Variants in NINL observed in about 807,000 individuals in gnomAD.
NINL encodes the protein ninein like.
Under a neutral mutation model 160.3 loss-of-function variants are expected in NINL, and 153 were observed. That is an observed-to-expected ratio of 0.95 (90% CI 0.84 to 1.09). NINL has a LOEUF of 1.09. NINL is among the 50% of genes least tolerant of loss of function. The pLI, the probability that NINL is intolerant of heterozygous loss-of-function variation, is 0.00. For missense variants in NINL, 1,829 were observed against 1,764.0 expected (o/e 1.04, Z -0.66); for synonymous variants, 800 against 734.8 (o/e 1.09, Z -1.43).
chr20:25,476,707 CCAGCCAGGCCAGTGGCCGCTCCCCA>C lies in NINL; in HGVS notation c.2559_2583del (p.Cys853TrpfsTer102), dbSNP rs748680388. The C allele has an allele frequency of 6.3e-7, 1 of 1,597,174 alleles. No homozygotes were observed. The highest frequency in any genetic ancestry group is 1.3e-5 in the African/African-American group (1 of 74,770). On this transcript the variant is annotated frameshift_variant, in exon 17 of 24. Transcript: ENST00000278886. LOFTEE classifies it high-confidence loss of function. Reference sequence around the variant, plus strand: ...TCAGACTCTCTGCCATCACCTGGGGCCAGCCAGGCCAGTGGCCGCTCCCCACAGCCCGGACGCAGTGGTAGGAGGC... The same window carrying C: ...TCAGACTCTCTGCCATCACCTGGGGCCAGCCCGGACGCAGTGGTAGGAGGC...
Position 25,478,943 on chromosome 20 carries a change from G to A in NINL, c.2181C>T (p.His727=). 1 of 1,556,778 alleles carries A rather than the reference G, an allele frequency of 6.4e-7. No homozygotes were observed. Among genetic ancestry groups the A allele is most frequent in the South Asian group, 1.1e-5 (1 of 87,130 alleles). ...TGGACCTGATCTGCTGCAGGTGGCTGTGATGCCGCAGGGCCAGGCCACACA... is the reference window on the plus strand; with the variant it reads ...TGGACCTGATCTGCTGCAGGTGGCTATGATGCCGCAGGGCCAGGCCACACA... ...QALCGLALRH[H]SHLQQIRREA... Residue 727 remains histidine, a synonymous_variant, in exon 16 of 24, where the codon CAC becomes CAT. Transcript: ENST00000278886.
chr20:25,465,840 A>T (rs536199450), intron 19 of NINL, among the ~76,000 whole-genome samples: 1 of 152,306 alleles, frequency 6.6e-6, no homozygotes, highest in African/African-American at 2.4e-5. Context: ...GTTGTGCAGG[A>T]CACTTTTTAA....
chr20:25,463,583 C>A (rs2146344930), intron 19 of NINL, among the ~76,000 whole-genome samples: 1 of 152,336 alleles, frequency 6.6e-6, no homozygotes. Context: ...CTGCTGTCTG[C>A]AGCCACCTGT....
In NINL at chr20:25,453,660, CCATGCTTTG is replaced by C; in HGVS notation, c.3958-27_3958-19del. 6.3e-7 allele frequency: 1 copy of C among 1,583,630 alleles called. No homozygotes were observed. Among genetic ancestry groups the C allele is most frequent in the Non-Finnish European group, 8.6e-7 (1 of 1,163,694 alleles). ...TTTTCAAACTAGAGAGGGGAGGAAG[CCATGCTTTG>C]CATGAGGCCGGTGGAGAAACGCTAC... On this transcript the variant is annotated intron_variant, in intron 23 of 23. Coordinates refer to ENST00000278886, the MANE Select transcript of NINL (RefSeq NM_025176.6).
intron 21 of NINL, among the ~76,000 whole-genome samples, chr20:25,459,513 C>T (rs763530591): frequency 6.6e-6 from 1 of 152,194 alleles, no homozygotes; most frequent in Non-Finnish European, 1.5e-5. Context: ...ATAGCATCTC[C>T]ACCAAACGCA....
intron 5 of NINL, chr20:25,509,853 C>T (rs2064035625): frequency 5.2e-6 from 2 of 383,144 alleles, no homozygotes; most frequent in Admixed American, 3.4e-5. Context: ...TAGGCAAACA[C>T]AAGATAATTA....
chr20:25,476,157 C>A lies in NINL; in HGVS notation c.3134G>T (p.Gly1045Val). ...WQEQLAAPEE[G>V]ETKIALEREK... ...TCTCTCCAGCGCTATTTTGGTCTCC[C>A]CCTCTTCTGGGGCAGCAAGCTGCTC... is the stretch of plus-strand genomic sequence containing the variant. Residue 1045 changes from glycine to valine, a missense_variant, in exon 17 of 24, where the codon GGG becomes GTG. Transcript: ENST00000278886. The A allele has an allele frequency of 6.2e-7, 1 of 1,614,216 alleles. No homozygotes were observed. The highest frequency in any genetic ancestry group is 8.5e-7 in the Non-Finnish European group (1 of 1,180,044).
intron 1 of NINL, among the ~76,000 whole-genome samples, chr20:25,554,013 C>A (rs1410306009): frequency 6.6e-6 from 1 of 152,246 alleles, no homozygotes; most frequent in Non-Finnish European, 1.5e-5. Context: ...CTGGACCTGG[C>A]AGGCAGGGCA....
chr20:25,483,153 C>T (rs60483717), intron 13 of NINL, among the ~76,000 whole-genome samples: 1,945 of 146,700 alleles, frequency 0.013, 125 homozygotes, highest in African/African-American at 0.047. Context: ...GCCAACATGG[C>T]GAAACCCCGG....
At chr20:25,555,805 C>T (rs955829856) in intron 1 of NINL, among the ~76,000 whole-genome samples, 10 of 152,076 alleles carry the variant, frequency 6.6e-5, no homozygotes, top group South Asian at 4.1e-4. Flanking sequence ...CTCCCAAGTA[C>T]GTAGGATTAC....
chr20:25,584,481 GAAC>G (rs1022070501), intron 1 of NINL, among the ~76,000 whole-genome samples: 67 of 152,156 alleles, frequency 4.4e-4, no homozygotes, highest in Non-Finnish European at 7.5e-4. Context: ...ACAACAACAA[GAAC>G]AACAACAAGA....
chr20:25,472,392 GT>G (rs2063126962), intron 17 of NINL, among the ~76,000 whole-genome samples: 1 of 138,754 alleles, frequency 7.2e-6, no homozygotes, highest in African/African-American at 2.7e-5. Context: ...TTGAGACGGA[GT>G]TTTGCTCTTG....
chr20:25,481,391 T>G (rs915527830), intron 14 of NINL, among the ~76,000 whole-genome samples: 2 of 152,122 alleles, frequency 1.3e-5, no homozygotes, highest in Non-Finnish European at 2.9e-5. Context: ...GGACCCCCAT[T>G]CTCTCTGCAG....
rs533914283 is a variant in NINL, at chr20:25,555,927, G to A, written c.-11-29329C>T. Among the ~76,000 whole-genome samples the A allele has an allele frequency of 5.3e-5, 8 of 151,934 alleles. No homozygotes were observed. The East Asian group carries it at 7.8e-4, about 15-fold the overall frequency. ...TGACCTCAGGTGATACGCCCGCCTC[G>A]GCCTCCCAAAGTGCTGGGATTATAA... On this transcript the variant is annotated intron_variant, in intron 1 of 23. Transcript: ENST00000278886.
At chr20:25,484,021 G>A (rs1201804265) in intron 13 of NINL, among the ~76,000 whole-genome samples, 1 of 152,080 alleles carries the variant, frequency 6.6e-6, no homozygotes, top group East Asian at 1.9e-4. Context: ...GGCAGCTGCC[G>A]CCACCATGCT....
At chr20:25,515,771 T>C (rs1399889280) in intron 3 of NINL, among the ~76,000 whole-genome samples, 2 of 151,950 alleles carry the variant, frequency 1.3e-5, no homozygotes, top group Non-Finnish European at 2.9e-5. Flanking sequence ...TGTTTGTTTG[T>C]TTTTGTTTTG....
chr20:25,572,720 T>C (rs973566159), intron 1 of NINL, among the ~76,000 whole-genome samples: 5 of 152,168 alleles, frequency 3.3e-5, no homozygotes, highest in African/African-American at 4.8e-5. Flanking sequence ...TAAAAGTTTT[T>C]CCATGAAATA....
intron 1 of NINL, among the ~76,000 whole-genome samples, chr20:25,562,105 C>T (rs1488622560): frequency 6.9e-6 from 1 of 144,634 alleles, no homozygotes; most frequent in African/African-American, 2.7e-5. Context: ...AGCCAGCCGC[C>T]CCGTCCGGGA....
chr20:25,557,817 T>C (rs909351934), intron 1 of NINL, among the ~76,000 whole-genome samples: 2 of 152,086 alleles, frequency 1.3e-5, no homozygotes, highest in Non-Finnish European at 2.9e-5. Context: ...TTAACAACAT[T>C]ATCCACTTTG....
Sources: allele counts gnomAD v4.1 joint callset (sites outside exome capture counted in the v4.1 genomes callset), GRCh38; gene constraint gnomAD v4.1.1; transcripts MANE v1.5; gene names NCBI Gene and HGNC (gene_info 2026-07-23, HGNC 2026-07-21).